The following KMT2D variants were observed in gnomAD, a reference collection of about 807,000 sequenced individuals.
KMT2D encodes the protein histone-lysine N-methyltransferase 2D.
In KMT2D, 55 loss-of-function variants were observed where a neutral mutation model predicts 512.7. The ratio of observed to expected loss-of-function variants is 0.11; its 90% confidence interval spans 0.09 to 0.13. The LOEUF (loss-of-function observed/expected upper bound fraction) is 0.13, where lower values mean the gene tolerates loss of function less well. Ranked by LOEUF, KMT2D falls within the 10% of genes least tolerant of loss-of-function variation. The pLI is 1.00. For synonymous variants in KMT2D, 2,995 were observed against 2,904.0 expected (o/e 1.03, Z -1.01); for missense variants, 6,061 against 7,127.9 (o/e 0.85, Z 5.39).
chr12:49,039,034 G>T lies in KMT2D; in HGVS notation c.8367-45C>A. ...TCAGTAGGATGAAATCAGATGAAAAGGAGCAAGAACATGGGCTTAGGGCAG... is the reference window on the plus strand; with the variant it reads ...TCAGTAGGATGAAATCAGATGAAAATGAGCAAGAACATGGGCTTAGGGCAG... On this transcript the variant is annotated intron_variant, in intron 34 of 54. Transcript: ENST00000301067. The surrounding 1 kb of genome is among the most constrained non-coding windows in gnomAD (Gnocchi z 5.0). 1 of 1,547,034 alleles carries T rather than the reference G, an allele frequency of 6.5e-7. No individual in the cohort carries two copies.
rs1399037623 is a variant in KMT2D at position 49,031,615 on chromosome 12, G to T, written c.13090C>A (p.Gln4364Lys). 1 of 1,600,568 alleles carries T rather than the reference G, an allele frequency of 6.2e-7. No individual in the cohort carries two copies. Among genetic ancestry groups the T allele is most frequent in the Non-Finnish European group, 8.5e-7 (1 of 1,173,592 alleles). ...TTGCTAAACAAGGTATCTGCAAGCTGGGCAGCAGCAGGTGAGACCCTCCCA... is the reference window on the plus strand; with the variant it reads ...TTGCTAAACAAGGTATCTGCAAGCTTGGCAGCAGCAGGTGAGACCCTCCCA... Reference protein sequence around the residue: ...PPGRVSPAAAQLADTLFSKGL... With the variant: ...PPGRVSPAAAKLADTLFSKGL... The change falls in exon 40 of 55, where the codon CAG (glutamine) becomes AAG (lysine). Residue 4364 changes from glutamine (Q) to lysine (K), a missense_variant. Gln to Lys is a moderately conservative substitution (Grantham distance 53). Around this residue, in one of 16 missense-constraint regions of KMT2D, gnomAD observed 1,600 missense variants for 1,754.9 expected, o/e 0.91. Transcript: ENST00000301067.
rs33963995 is a variant in KMT2D, at chr12:49,029,677, G to GT, written c.14000-202dup. On this transcript the variant is annotated intron_variant, in intron 43 of 54. Transcript: ENST00000301067. The stretch of plus-strand genomic sequence containing the variant: ...GGCACTGTTGTTTTTTGTTTTTTTT[G>GT]TTTTTTTTTTTTTTTTCCCGTAGAG... Among the ~76,000 whole-genome samples, 572 of 132,056 alleles carry GT rather than the reference G, an allele frequency of 4.3e-3. 1 individual carries two copies. The highest frequency in any genetic ancestry group is 6.9e-3 in the East Asian group (31 of 4,496). 86.6% of individuals were successfully genotyped at this position (132,056 alleles called of 152,430 possible). A position where few individuals can be genotyped will look rare whatever the true frequency, so the allele number is the denominator to read the frequency against.
At chr12:49,023,007 T>C (rs956300792) in intron 51 of KMT2D, 132 bp from the exon 52 acceptor site, 17 of 1,009,946 alleles carry the variant, frequency 1.7e-5, no homozygotes, top group Non-Finnish European at 2.2e-5. Flanking sequence ...GCACTGGAAG[T>C]GCAGCCTTGG....
rs374230943 is a variant in KMT2D at position 49,050,499 on chromosome 12, T to C, written c.3089A>G (p.His1030Arg). 23 of 1,612,536 alleles carry C rather than the reference T, an allele frequency of 1.4e-5. No homozygotes were observed. Among genetic ancestry groups the C allele is most frequent in the Non-Finnish European group, 2.0e-5 (23 of 1,178,988 alleles). ...LPPQCSPLLQ[H>R]SLVPQNSPPS... ...AGGGGAGTTTTGGGGAACCAGGGAA[T>C]GCTGAAGGAGTGGCGAACACTGAGG... The change falls in exon 12 of 55, where the codon CAT becomes CGT. Residue 1030 changes from histidine (H) to arginine (R), a missense_variant. Physicochemically the swap from His to Arg is conservative, Grantham distance 29 (BLOSUM62 0). Transcript: ENST00000301067.
At position 49,031,921 on chromosome 12, in the gene KMT2D, G is replaced by C. The variant is rs2120426428; in HGVS notation, c.12784C>G (p.Gln4262Glu). The C allele has an allele frequency of 6.5e-7, 1 of 1,537,360 alleles. No individual in the cohort carries two copies. The highest frequency in any genetic ancestry group is 1.4e-5 in the African/African-American group (1 of 72,484). Residue 4262 changes from glutamine to glutamate, a missense_variant, in exon 40 of 55, where the codon CAA (glutamine) becomes GAA (glutamate). Physicochemically the swap from Gln to Glu is conservative, Grantham distance 29. Coordinates refer to ENST00000301067, the MANE Select transcript of KMT2D (RefSeq NM_003482.4). Reference protein sequence around the residue: ...PLQGLLGCQPQLGGFPGPQTG... With the variant: ...PLQGLLGCQPELGGFPGPQTG... ...TGTGGTCCAGGGAAGCCCCCAAGTT[G>C]AGGTTGGCAGCCCAGGAGGCCCTGG...
rs2120387677 is a variant in KMT2D, at chr12:49,028,907, T to C, written c.14303A>G (p.Lys4768Arg). The C allele has an allele frequency of 6.2e-7, 1 of 1,614,038 alleles. No individual in the cohort carries two copies. Among genetic ancestry groups the C allele is most frequent in the Non-Finnish European group, 8.5e-7 (1 of 1,179,902 alleles). ...YGALGLEVPGKLPVTTWEKGK... is the reference protein window; with the variant it reads ...YGALGLEVPGRLPVTTWEKGK... ...CTTTTCCCAAGTTGTGACAGGCAGC[T>C]TTCCAGGGACCTCCAGGCCAAGGGC... The change falls in exon 46 of 55, where the codon AAG becomes AGG. Residue 4768 changes from lysine (K) to arginine (R), a missense_variant. Physicochemically the swap from Lys to Arg is conservative, Grantham distance 26 (BLOSUM62 2). Around this residue, in one of 16 missense-constraint regions of KMT2D, gnomAD observed 1,600 missense variants for 1,754.9 expected, o/e 0.91. Coordinates refer to ENST00000301067, the MANE Select transcript of KMT2D (RefSeq NM_003482.4).
rs1201552257 is a variant in KMT2D at position 49,058,002 on chromosome 12, A to C, written c.-38+1611T>G. ...CTCCCAGACCAACAGCTTTCACTCCATTTTCCCAGACAAGGGGGAAATGGA... is the reference window on the plus strand; with the variant it reads ...CTCCCAGACCAACAGCTTTCACTCCCTTTTCCCAGACAAGGGGGAAATGGA... On this transcript the variant is annotated intron_variant, in intron 1 of 54. Coordinates refer to ENST00000301067, the MANE Select transcript of KMT2D (RefSeq NM_003482.4). 5.3e-5 allele frequency among the ~76,000 whole-genome samples: 8 copies of C among 152,304 alleles called. No individual in the cohort carries two copies. The East Asian group carries it at 1.5e-3, about 29-fold the overall frequency.
Position 49,043,946 on chromosome 12 carries a change from T to C in KMT2D, c.5241A>G (p.Glu1747=), listed in dbSNP as rs950751488. ...GCTGTTGCTTCTTCTTCTCATCCCCTTCAGCTAAGCTCTGCTCCACGGCGC... is the reference window on the plus strand; with the variant it reads ...GCTGTTGCTTCTTCTTCTCATCCCCCTCAGCTAAGCTCTGCTCCACGGCGC... The part of the protein sequence containing the change: ...AEGAVEQSLA[E]GDEKKKQQRR... The change falls in exon 23 of 55, where the codon GAA becomes GAG. Residue 1747 remains glutamate (E), a synonymous_variant. Coordinates refer to ENST00000301067, the MANE Select transcript of KMT2D (RefSeq NM_003482.4). 3.1e-6 allele frequency: 5 copies of C among 1,614,040 alleles called. No homozygotes were observed. In the East Asian group the frequency reaches 6.7e-5, roughly 22 times the overall value.
rs766962462 is a variant in KMT2D at position 49,042,801 on chromosome 12, C to A, written c.5722G>T (p.Gly1908Cys). 1 of 1,613,984 alleles carries A rather than the reference C, an allele frequency of 6.2e-7. No homozygotes were observed. The highest frequency in any genetic ancestry group is 1.1e-5 in the South Asian group (1 of 91,090). Residue 1908 changes from glycine (G) to cysteine (C), a missense_variant, in exon 27 of 55, where the codon GGT becomes TGT. By Grantham distance (159) the Gly-to-Cys change is radical. Coordinates refer to ENST00000301067, the MANE Select transcript of KMT2D (RefSeq NM_003482.4). The surrounding 1 kb of genome is among the most constrained non-coding windows in gnomAD (Gnocchi z 4.4). ...CCTTCTAGGCCAGGGGTTCCACAAC[C>A]CAGATGCTGTTCTCGTTCAGAGCCC... is the stretch of plus-strand genomic sequence containing the variant. ...VLGSEREQHL[G>C]CGTPGLEGSR...
chr12:49,034,034 CT>C (rs773641443), intron 39 of KMT2D, 32 bp downstream of exon 39: 33 of 1,595,102 alleles, frequency 2.1e-5, no homozygotes, highest in East Asian at 1.8e-4. Context: ...TCCCTGCCTT[CT>C]GGGTGCTAGG....
At chr12:49,025,460 G>C (rs1351500145) in intron 49 of KMT2D, among the ~76,000 whole-genome samples, 1 of 152,202 alleles carries the variant, frequency 6.6e-6, no homozygotes, top group African/African-American at 2.4e-5. Flanking sequence ...ACAGTTACAT[G>C]CTGTACAGAT....
intron 48 of KMT2D, 44 bp downstream of exon 48, chr12:49,027,759 C>G (rs1942676338): frequency 6.4e-7 from 1 of 1,551,834 alleles, no homozygotes; most frequent in Non-Finnish European, 8.7e-7. Flanking sequence ...TGGCCGGCAG[C>G]CCCTTTTTTC....
In KMT2D at chr12:49,041,361, T is replaced by G. The variant is rs543241831; in HGVS notation, c.6409A>C (p.Thr2137Pro). The G allele has an allele frequency of 2.4e-5, 38 of 1,579,506 alleles. No homozygotes were observed. Among genetic ancestry groups the G allele is most frequent in the Non-Finnish European group, 3.3e-5 (38 of 1,163,584 alleles). ...GSPTTPAGLSTSADGFLKPPA... is the reference protein window; with the variant it reads ...GSPTTPAGLSPSADGFLKPPA... ...GGCTTCAGGAACCCGTCCGCAGAGG[T>G]AGACAAGCCGGCGGGGGTAGTGGGG... Residue 2137 changes from threonine (T) to proline (P), a missense_variant, in exon 32 of 55, where the codon ACC (threonine) becomes CCC (proline). Thr to Pro is a conservative substitution (Grantham distance 38). Around this residue, in one of 16 missense-constraint regions of KMT2D, gnomAD observed 710 missense variants for 647.3 expected, o/e 1.10. Transcript: ENST00000301067. The surrounding 1 kb of genome is among the most constrained non-coding windows in gnomAD (Gnocchi z 5.4).
intron 35 of KMT2D, among the ~76,000 whole-genome samples, chr12:49,035,237 G>A (rs1016111318): frequency 2.0e-5 from 3 of 152,184 alleles, no homozygotes; most frequent in Non-Finnish European, 2.9e-5. Flanking sequence ...TCCCTACTCC[G>A]TCTACCTCAC....
At chr12:49,036,245 T>C (rs1943208787) in intron 35 of KMT2D, among the ~76,000 whole-genome samples, 1 of 152,126 alleles carries the variant, frequency 6.6e-6, no homozygotes, top group Non-Finnish European at 1.5e-5. Context: ...TCACTCACTG[T>C]TCTTGAAACA....
At position 49,040,934 on chromosome 12, in the gene KMT2D, C is replaced by T. The variant is rs200578414; in HGVS notation, c.6836G>A (p.Gly2279Glu). The T allele has an allele frequency of 4.4e-4, 718 of 1,613,638 alleles. No homozygotes were observed. Among genetic ancestry groups the T allele is most frequent in the Non-Finnish European group, 5.8e-4 (679 of 1,179,640 alleles). The part of the protein sequence containing the change: ...SEPLLSPPPF[G>E]ESRKALEVKK... ...CACCTCTAGGGCCTTCCGGGACTCC[C>T]CAAAAGGTGGGGGCGAGAGCAGGGG... Residue 2279 changes from glycine (G) to glutamate (E), a missense_variant, in exon 32 of 55, where the codon GGG becomes GAG. This residue lies in a region of KMT2D where 710 missense variants were observed against 647.3 expected (regional missense o/e 1.10). Coordinates refer to ENST00000301067, the MANE Select transcript of KMT2D (RefSeq NM_003482.4).
In KMT2D at chr12:49,044,433, T is replaced by G; in HGVS notation, c.5053A>C (p.Lys1685Gln). 2.5e-6 allele frequency: 4 copies of G among 1,614,038 alleles called. No homozygotes were observed. Among genetic ancestry groups the G allele is most frequent in the Non-Finnish European group, 3.4e-6 (4 of 1,179,896 alleles). ...EPGKEETEES[K>Q]KRKRKPYRPG... ...CGATATGGTTTACGCTTGCGTTTTT[T>G]GCTTTCCTCGGTCTCCTCTTTGCCA... The change falls in exon 21 of 55, where the codon AAA becomes CAA. Residue 1685 changes from lysine to glutamine, a missense_variant. Physicochemically the swap from Lys to Gln is moderately conservative, Grantham distance 53. Coordinates refer to ENST00000301067, the MANE Select transcript of KMT2D (RefSeq NM_003482.4). This position sits in a 1 kb window ranked among gnomAD's most constrained non-coding sequence, Gnocchi z 6.4.
At chr12:49,048,530 T>C (rs1937697747) in intron 14 of KMT2D, 129 bp downstream of exon 14, 8 of 652,242 alleles carry the variant, frequency 1.2e-5, no homozygotes, top group Non-Finnish European at 8.3e-6. Flanking sequence ...ATGAATAACA[T>C]GATTAGAATT....
intron 12 of KMT2D, 110 bp downstream of exon 12, chr12:49,049,572 C>A: frequency 8.2e-7 from 1 of 1,217,646 alleles, no homozygotes; most frequent in Non-Finnish European, 1.1e-6. Context: ...AATAAAGGAT[C>A]TCCAAGTCTA....
Sources: gnomAD v4.1 joint callset for allele counts (sites outside exome capture counted in the v4.1 genomes callset) on GRCh38, gnomAD v4.1.1 for gene constraint, gnomAD v4.1.1 regional missense constraint, Gnocchi (gnomAD v3.1) non-coding constraint, MANE v1.5 for transcripts, NCBI Gene and HGNC (gene_info 2026-07-23, HGNC 2026-07-21) for gene names.